PDE3B: variants seen among roughly 807,000 people sequenced by gnomAD.
PDE3B encodes the protein phosphodiesterase 3B.
A neutral mutation model predicts 116.8 loss-of-function variants in PDE3B; 66 were observed. The ratio of observed to expected loss-of-function variants is 0.56; its 90% CI spans 0.46 to 0.69. PDE3B has a LOEUF of 0.69. Ranked by LOEUF, PDE3B falls within the 30% of genes least tolerant of loss-of-function variation. The pLI, the probability that PDE3B is intolerant of heterozygous loss-of-function variation, is 0.00. For missense variants in PDE3B, 1,384 were observed against 1,368.1 expected, an observed-to-expected ratio of 1.01 and a Z score of -0.18; for synonymous variants, 595 against 533.6, an observed-to-expected ratio of 1.12 and a Z score of -1.59.
chr11:14,690,611 G>C (rs1236293803), intron 1 of PDE3B, among the ~76,000 whole-genome samples: 1 of 137,292 alleles, frequency 7.3e-6, no homozygotes, highest in Non-Finnish European at 1.6e-5. Flanking sequence ...TTGTAATTTT[G>C]CTTCCTTTTT....
chr11:14,868,710 A>G (rs1848091290), intron 15 of PDE3B, among the ~76,000 whole-genome samples: 1 of 152,196 alleles, frequency 6.6e-6, no homozygotes, highest in South Asian at 2.1e-4. Flanking sequence ...AACTACAAAG[A>G]ACCTCCCACT....
At chr11:14,811,158 A>T (rs1179241022) in intron 5 of PDE3B, among the ~76,000 whole-genome samples, 1 of 151,728 alleles carries the variant, frequency 6.6e-6, no homozygotes, top group African/African-American at 2.4e-5. Context: ...GCTGTGCAGA[A>T]GCTCTTGAGT....
chr11:14,709,151 G>GA (rs976730175), intron 1 of PDE3B, among the ~76,000 whole-genome samples: 5 of 151,732 alleles, frequency 3.3e-5, no homozygotes, highest in African/African-American at 1.2e-4. Context: ...TTAGAACTGT[G>GA]AAAAAAAAGT....
intron 5 of PDE3B, among the ~76,000 whole-genome samples, chr11:14,812,497 T>C (rs1246986160): frequency 1.3e-5 from 2 of 152,116 alleles, no homozygotes; most frequent in Non-Finnish European, 2.9e-5. Flanking sequence ...GGGAAATTTA[T>C]AGCAAAAAAA....
chr11:14,798,121 T>C (rs966118159), intron 4 of PDE3B, among the ~76,000 whole-genome samples: 2 of 152,216 alleles, frequency 1.3e-5, no homozygotes, highest in Admixed American at 1.3e-4. Context: ...ACCTAGTTCA[T>C]TGAGAGTTTT....
intron 1 of PDE3B, among the ~76,000 whole-genome samples, chr11:14,732,988 G>A (rs975660094): frequency 6.6e-6 from 1 of 152,096 alleles, no homozygotes; most frequent in African/African-American, 2.4e-5. Flanking sequence ...AATTTTCATT[G>A]TTAAGACACA....
chr11:14,860,682 T>A (rs1847932037), intron 13 of PDE3B, among the ~76,000 whole-genome samples: 1 of 152,102 alleles, frequency 6.6e-6, no homozygotes, highest in South Asian at 2.1e-4. Flanking sequence ...CACACTGAAT[T>A]TTTGATTCAG....
At chr11:14,709,979 C>T (rs561517196) in intron 1 of PDE3B, among the ~76,000 whole-genome samples, 1 of 152,106 alleles carries the variant, frequency 6.6e-6, no homozygotes, top group African/African-American at 2.4e-5. Context: ...TAAAATAACA[C>T]CCTACATTGA....
At chr11:14,863,131 C>T (rs923372255) in intron 14 of PDE3B, among the ~76,000 whole-genome samples, 5 of 151,880 alleles carry the variant, frequency 3.3e-5, no homozygotes, top group African/African-American at 7.3e-5. Flanking sequence ...TGAGAACATG[C>T]GGTATTTGGT....
chr11:14,846,118 C>A (rs1199309772), intron 12 of PDE3B, among the ~76,000 whole-genome samples: 1 of 152,126 alleles, frequency 6.6e-6, no homozygotes, highest in Non-Finnish European at 1.5e-5. Flanking sequence ...AAAGGGAAGC[C>A]CATCAGACTA....
In PDE3B at chr11:14,845,936, C is replaced by G. The variant is rs533736657; in HGVS notation, c.2520+1910C>G. 2.0e-4 allele frequency among the ~76,000 whole-genome samples: 30 copies of G among 152,272 alleles called. 1 individual carries two copies. The East Asian group carries it at 5.4e-3, about 27-fold the overall frequency. ...CTCTGTAGGATATTATCCAGGAGAA[C>G]TTCCCCAATCTAGCAAGGCAGGCCA... On this transcript the variant is annotated intron_variant, in intron 12 of 15. Transcript: ENST00000282096.
At chr11:14,773,973 C>T (rs1469301444) in intron 2 of PDE3B, 11 of 152,220 alleles carry the variant, frequency 7.2e-5, no homozygotes, top group Admixed American at 6.6e-4. Context: ...ATTTCGGTCT[C>T]CCAGCCCCTT....
At chr11:14,739,348 T>G (rs1186726454) in intron 1 of PDE3B, among the ~76,000 whole-genome samples, 1 of 152,234 alleles carries the variant, frequency 6.6e-6, no homozygotes, top group Non-Finnish European at 1.5e-5. Context: ...CCTAGGTATT[T>G]TATTCTCTTT....
chr11:14,692,947 T>G (rs1472322442), intron 1 of PDE3B, among the ~76,000 whole-genome samples: 1 of 152,170 alleles, frequency 6.6e-6, no homozygotes, highest in African/African-American at 2.4e-5. Context: ...AGCCAAACAG[T>G]TAGTCAAGCT....
chr11:14,848,474 G>A (rs1037600607), intron 12 of PDE3B, among the ~76,000 whole-genome samples: 1 of 151,764 alleles, frequency 6.6e-6, no homozygotes, highest in South Asian at 2.1e-4. Context: ...ACATAGTGTT[G>A]GAAGTTCGGG....
chr11:14,665,188 G>A (rs1357126787), intron 1 of PDE3B, among the ~76,000 whole-genome samples: 1 of 152,180 alleles, frequency 6.6e-6, no homozygotes, highest in Non-Finnish European at 1.5e-5. Context: ...CTCAATAGAT[G>A]CAGAAAAGTC....
intron 1 of PDE3B, among the ~76,000 whole-genome samples, chr11:14,764,955 C>T (rs1857456222): frequency 1.3e-5 from 2 of 150,404 alleles, no homozygotes; most frequent in Non-Finnish European, 3.0e-5. Context: ...TATCTTTGCA[C>T]TTTAAACAAT....
chr11:14,749,546 A>G (rs2133873973), intron 1 of PDE3B, among the ~76,000 whole-genome samples: 1 of 152,226 alleles, frequency 6.6e-6, no homozygotes, highest in African/African-American at 2.4e-5. Context: ...AGTCTTCCTT[A>G]TGACAATCAT....
intron 12 of PDE3B, among the ~76,000 whole-genome samples, chr11:14,844,620 G>C (rs1367511341): frequency 6.6e-6 from 1 of 152,218 alleles, no homozygotes; most frequent in Non-Finnish European, 1.5e-5. Flanking sequence ...GGAAAATCAG[G>C]TCACTCCCAC....
Sources: allele counts gnomAD v4.1 joint callset (sites outside exome capture counted in the v4.1 genomes callset), GRCh38; gene constraint gnomAD v4.1.1; transcripts MANE v1.5; gene names NCBI Gene and HGNC (gene_info 2026-07-23, HGNC 2026-07-21).